Variants in SAP30BP observed in about 807,000 individuals in gnomAD.
The protein encoded by SAP30BP is SAP30-binding protein.
A neutral mutation model predicts 46.3 loss-of-function variants in SAP30BP; 31 were observed. That is an observed-to-expected ratio of 0.67 (90% CI 0.50 to 0.90). SAP30BP has a LOEUF of 0.90. SAP30BP is among the 40% of genes least tolerant of loss of function. The pLI is 0.00. For missense variants in SAP30BP, 312 were observed against 391.0 expected (o/e 0.80, Z 1.70); for synonymous variants, 169 against 144.2 (o/e 1.17, Z -1.23).
chr17:75,690,455 C>G (rs1272442395), intron 3 of SAP30BP, among the ~76,000 whole-genome samples: 2 of 152,168 alleles, frequency 1.3e-5, no homozygotes, highest in East Asian at 3.9e-4. Flanking sequence ...GTGGCATGAT[C>G]ATAGCTCACT....
intron 5 of SAP30BP, among the ~76,000 whole-genome samples, chr17:75,701,136 A>T (rs1200699296): frequency 6.6e-6 from 1 of 152,166 alleles, no homozygotes; most frequent in Non-Finnish European, 1.5e-5. Flanking sequence ...TTGGCCTCTA[A>T]CAAGGGGAGT....
chr17:75,702,946 G>A (rs1466253967), intron 6 of SAP30BP: 3 of 329,090 alleles, frequency 9.1e-6, no homozygotes, highest in African/African-American at 2.1e-5. Context: ...TTTGCATATA[G>A]GTGAGAGGTC....
At chr17:75,701,847 T>C (rs1307244728) in intron 5 of SAP30BP, among the ~76,000 whole-genome samples, 1 of 152,126 alleles carries the variant, frequency 6.6e-6, no homozygotes, top group Non-Finnish European at 1.5e-5. Context: ...ATTAACCAGT[T>C]GGGGCTTTGT....
rs373834045 is a variant in SAP30BP at position 75,699,814 on chromosome 17, G to A, written c.339G>A (p.Ser113=). 9.9e-6 allele frequency: 16 copies of A among 1,613,194 alleles called. No homozygotes were observed. In the East Asian group the frequency reaches 1.6e-4, roughly 16 times the overall value. Residue 113 remains serine, a synonymous_variant, in exon 5 of 11, where the codon TCG becomes TCA. Coordinates refer to ENST00000584667, the MANE Select transcript of SAP30BP (RefSeq NM_013260.8). ...ASFSERVRNM[S]PDEIKIPPEP... is the part of the protein sequence containing the mutation. ...TTTCTGAAAGAGTTCGGAACATGTC[G>A]CCTGATGAAATCAAGATCCCGCCAG...
At chr17:75,702,450 C>G in intron 5 of SAP30BP, 30 bp from the exon 6 acceptor site, 1 of 1,028,052 alleles carries the variant, frequency 9.7e-7, no homozygotes, top group Non-Finnish European at 1.5e-6. Flanking sequence ...CTGTCATACA[C>G]CCCCCCACCC....
chr17:75,691,097 G>A (rs1399270449), intron 3 of SAP30BP, among the ~76,000 whole-genome samples: 3 of 152,210 alleles, frequency 2.0e-5, no homozygotes, highest in African/African-American at 7.2e-5. Context: ...GGATTCTGCT[G>A]CTGGGAAGCT....
At chr17:75,689,267 C>T (rs576217932) in intron 3 of SAP30BP, among the ~76,000 whole-genome samples, 1 of 151,778 alleles carries the variant, frequency 6.6e-6, no homozygotes, top group African/African-American at 2.4e-5. Flanking sequence ...CAGGCATGCA[C>T]CACCATGCCC....
At chr17:75,679,764 C>T (rs745364947) in intron 3 of SAP30BP, 6 of 152,094 alleles carry the variant, frequency 3.9e-5, no homozygotes, top group South Asian at 2.1e-4. Context: ...CTTGTCTCTT[C>T]GGTAAGCAGC....
intron 3 of SAP30BP, among the ~76,000 whole-genome samples, chr17:75,672,497 C>T (rs1232495947): frequency 1.3e-5 from 2 of 152,170 alleles, no homozygotes; most frequent in Non-Finnish European, 2.9e-5. Flanking sequence ...AAGGTTAAGA[C>T]ACCCTTGTGT....
chr17:75,673,449 T>C (rs1318754648), intron 3 of SAP30BP, among the ~76,000 whole-genome samples: 1 of 152,132 alleles, frequency 6.6e-6, no homozygotes, highest in Non-Finnish European at 1.5e-5. Context: ...ATGTGGGACT[T>C]GGAGCCTGCA....
chr17:75,678,784 T>G (rs2060030725), intron 3 of SAP30BP, among the ~76,000 whole-genome samples: 2 of 152,050 alleles, frequency 1.3e-5, no homozygotes. Flanking sequence ...GACAGAAGAC[T>G]CGGGAAGAGC....
At position 75,668,645 on chromosome 17, in the gene SAP30BP, C is replaced by T. The variant is rs374997786; in HGVS notation, c.216+20C>T. On this transcript the variant is annotated intron_variant, in intron 2 of 10. Transcript: ENST00000584667. ...CAGTCGGTAGGTAAATCTCCCAGAT[C>T]CAGAGCTACTGAAAGCACAATTTCA... The T allele has an allele frequency of 2.2e-5, 32 of 1,464,398 alleles. No individual in the cohort carries two copies. In the African/African-American group the frequency reaches 4.5e-4, roughly 21 times the overall value. The allele number at this position is 1,464,398 out of a possible 1,614,324, so 90.7% of individuals were successfully genotyped here. A position where few individuals can be genotyped will look rare whatever the true frequency, so the allele number is the denominator to read the frequency against.
At chr17:75,674,522 A>G (rs1265826139) in intron 3 of SAP30BP, among the ~76,000 whole-genome samples, 1 of 151,480 alleles carries the variant, frequency 6.6e-6, no homozygotes, top group Non-Finnish European at 1.5e-5. Context: ...TCTTGAACTC[A>G]TGGCCTCAAG....
At chr17:75,699,467 T>C (rs1281572769) in intron 4 of SAP30BP, among the ~76,000 whole-genome samples, 1 of 149,428 alleles carries the variant, frequency 6.7e-6, no homozygotes, top group Non-Finnish European at 1.5e-5. Context: ...GTTGGGAGTA[T>C]AGGCGTGAGC....
intron 3 of SAP30BP, among the ~76,000 whole-genome samples, chr17:75,690,304 T>C (rs2060223077): frequency 6.6e-6 from 1 of 152,192 alleles, no homozygotes; most frequent in Non-Finnish European, 1.5e-5. Context: ...GAGGTCGTTA[T>C]AGAGGCATAT....
rs2060506995 is a variant in SAP30BP at position 75,707,007 on chromosome 17, G to C, written c.*486G>C. On this transcript the variant is annotated 3_prime_UTR_variant, in exon 11 of 11. Transcript: ENST00000584667. ...CCACGTATGCCCCATCTGCCGCCTT[G>C]ATCCCAAAACCCAGCCAGTTCTCGG... 6.0e-6 allele frequency: 1 copy of C among 165,816 alleles called. No individual in the cohort carries two copies. The highest frequency in any genetic ancestry group is 1.5e-4 in the South Asian group (1 of 6,532). 10.3% of individuals were successfully genotyped at this position (165,816 alleles called of 1,614,324 possible).
intron 3 of SAP30BP, among the ~76,000 whole-genome samples, chr17:75,687,655 C>A (rs1278630419): frequency 1.3e-5 from 2 of 150,566 alleles, no homozygotes; most frequent in African/African-American, 2.4e-5. Context: ...GAAAGATGAA[C>A]AAAGAATTGG....
chr17:75,692,638 A>G, intron 3 of SAP30BP: 1 of 372,836 alleles, frequency 2.7e-6, no homozygotes, highest in South Asian at 1.1e-4. Context: ...TGAAACATTT[A>G]CTACAGAACA....
chr17:75,691,404 C>T (rs759454665), intron 3 of SAP30BP: 1 of 456,530 alleles, frequency 2.2e-6, no homozygotes, highest in South Asian at 1.5e-5. Context: ...AGACGTGACT[C>T]AACAACCTCA....
Sources: allele counts gnomAD v4.1 joint callset (sites outside exome capture counted in the v4.1 genomes callset), GRCh38; gene constraint gnomAD v4.1.1; transcripts MANE v1.5; gene names NCBI Gene and HGNC (gene_info 2026-07-23, HGNC 2026-07-21).